The following SCUBE1 variants were observed in gnomAD, a reference collection of about 807,000 sequenced individuals.
SCUBE1 encodes the protein signal peptide, CUB and EGF-like domain-containing protein 1.
In SCUBE1, 59 loss-of-function variants were observed where a neutral mutation model predicts 124.4. The observed-to-expected ratio is 0.47, with a 90% confidence interval of 0.38 to 0.59. The LOEUF (loss-of-function observed/expected upper bound fraction) is 0.59, where lower values mean the gene tolerates loss of function less well. Ranked by LOEUF, SCUBE1 falls within the 20% of genes least tolerant of loss-of-function variation. The pLI is 0.00. For missense variants in SCUBE1, 1,150 were observed against 1,371.2 expected (o/e 0.84, Z 2.55); for synonymous variants, 545 against 550.9 (o/e 0.99, Z 0.15).
At chr22:43,287,029 C>T (rs1925173675) in intron 4 of SCUBE1, among the ~76,000 whole-genome samples, 1 of 152,116 alleles carries the variant, frequency 6.6e-6, no homozygotes, top group East Asian at 1.9e-4. Flanking sequence ...ATACACCAGG[C>T]ACAAGGGTGT....
chr22:43,259,588 C>T (rs1230212802), intron 5 of SCUBE1, among the ~76,000 whole-genome samples: 7 of 152,190 alleles, frequency 4.6e-5, no homozygotes, highest in Admixed American at 2.0e-4. Flanking sequence ...CAGAGACCGA[C>T]GCAGAGCCTT....
At chr22:43,327,888 C>T (rs1031836936) in intron 2 of SCUBE1, among the ~76,000 whole-genome samples, 16 of 152,130 alleles carry the variant, frequency 1.1e-4, no homozygotes, top group Admixed American at 2.0e-4. Context: ...ATACTTTTAA[C>T]GAGTGAATTG....
intron 10 of SCUBE1, among the ~76,000 whole-genome samples, chr22:43,223,586 G>T (rs1569500298): frequency 6.6e-6 from 1 of 152,204 alleles, no homozygotes; most frequent in Non-Finnish European, 1.5e-5. Context: ...CCGTGGGGGG[G>T]ATCGCTCGGA....
intron 8 of SCUBE1, 91 bp downstream of exon 8, chr22:43,231,662 C>T (rs1325975012): frequency 6.8e-7 from 1 of 1,474,278 alleles, no homozygotes; most frequent in East Asian, 2.5e-5. Context: ...CCGCATTCCC[C>T]TCCCCTCCTA....
rs575232171 is a variant in SCUBE1, at chr22:43,263,950, C to A, written c.485-1105G>T. Among the ~76,000 whole-genome samples, 32 of 152,316 alleles carry A rather than the reference C, an allele frequency of 2.1e-4. No homozygotes were observed. In the East Asian group the frequency reaches 4.8e-3, roughly 23 times the overall value. Reference sequence around the variant, plus strand: ...CACGGAAAGACCCTTTCCGCTGGCTCGATTCCAAAACAGCATCAGCGCCTG... The same window carrying A: ...CACGGAAAGACCCTTTCCGCTGGCTAGATTCCAAAACAGCATCAGCGCCTG... On this transcript the variant is annotated intron_variant, in intron 4 of 21. Coordinates refer to ENST00000360835, the MANE Select transcript of SCUBE1 (RefSeq NM_173050.5).
chr22:43,251,191 G>C (rs1411995070), intron 6 of SCUBE1, among the ~76,000 whole-genome samples: 1 of 152,224 alleles, frequency 6.6e-6, no homozygotes, highest in Non-Finnish European at 1.5e-5. Flanking sequence ...GGAAGAGTGG[G>C]TGCCCACAGC....
chr22:43,322,188 T>C (rs2146787322), intron 2 of SCUBE1, among the ~76,000 whole-genome samples: 1 of 152,278 alleles, frequency 6.6e-6, no homozygotes, highest in East Asian at 1.9e-4. Flanking sequence ...TTTCACCATG[T>C]TAGCCAGGAT....
chr22:43,268,470 T>C (rs1344741520), intron 4 of SCUBE1, among the ~76,000 whole-genome samples: 1 of 152,248 alleles, frequency 6.6e-6, no homozygotes, highest in African/African-American at 2.4e-5. Context: ...GAATCTAATC[T>C]GATCCAACCA....
In SCUBE1 at chr22:43,223,206, C is replaced by G; in HGVS notation, c.1218G>C (p.Lys406Asn). The stretch of plus-strand genomic sequence containing the variant: ...GGGAGGTCTTGGCGCGAGAAAGACA[C>G]TTGCCTGTCTCTATGAAGGGAGATA... ...WNGKDCVETG[K>N]CLSRAKTSPR... The change falls in exon 11 of 22, where the codon AAG becomes AAC. Residue 406 changes from lysine to asparagine, a missense_variant. Lys to Asn is a moderately conservative substitution (Grantham distance 94). Coordinates refer to ENST00000360835, the MANE Select transcript of SCUBE1 (RefSeq NM_173050.5). 6.4e-7 allele frequency: 1 copy of G among 1,571,252 alleles called. No individual in the cohort carries two copies.
At chr22:43,230,943 C>G (rs2146678540) in intron 8 of SCUBE1, among the ~76,000 whole-genome samples, 1 of 152,342 alleles carries the variant, frequency 6.6e-6, no homozygotes, top group Admixed American at 6.5e-5. Context: ...CTGCCCGCAA[C>G]TGCTGGTACC....
At chr22:43,249,469 C>G (rs1202404953) in intron 6 of SCUBE1, among the ~76,000 whole-genome samples, 1 of 152,154 alleles carries the variant, frequency 6.6e-6, no homozygotes, top group African/African-American at 2.4e-5. Context: ...TGTGTGCCCC[C>G]TAAGTGTCAG....
intron 2 of SCUBE1, among the ~76,000 whole-genome samples, chr22:43,324,655 C>T (rs1285694208): frequency 6.6e-6 from 1 of 151,894 alleles, no homozygotes; most frequent in Admixed American, 6.6e-5. Flanking sequence ...AAAAACATAT[C>T]CAGGAGTCGC....
At chr22:43,335,441 G>C (rs1275705624) in intron 2 of SCUBE1, among the ~76,000 whole-genome samples, 1 of 152,156 alleles carries the variant, frequency 6.6e-6, no homozygotes, top group African/African-American at 2.4e-5. Context: ...CTCACTCACT[G>C]AGGGTTTAGG....
rs760840200 is a variant in SCUBE1 at position 43,204,020 on chromosome 22, G to A, written c.2944C>T (p.Arg982Trp). Residue 982 changes from arginine (R) to tryptophan (W), a missense_variant, in exon 22 of 22, where the codon CGG becomes TGG. Transcript: ENST00000360835. ...FIKLLRSKVSRFLRPYK is the reference protein window; with the variant it reads ...FIKLLRSKVSWFLRPYK ...GGTTATTTGTAGGGCCGCAGGAACC[G>A]AGACACTTTGGAGCGCAGCAGTTTG... is the stretch of plus-strand genomic sequence containing the variant. The A allele has an allele frequency of 1.2e-6, 2 of 1,614,056 alleles. No homozygotes were observed. The highest frequency in any genetic ancestry group is 1.7e-6 in the Non-Finnish European group (2 of 1,180,030).
At position 43,238,485 on chromosome 22, in the gene SCUBE1, G is replaced by A. The variant is rs752979193; in HGVS notation, c.844+353C>T. 38 of 574,238 alleles carry A rather than the reference G, an allele frequency of 6.6e-5. 1 individual carries two copies. The South Asian group carries it at 8.0e-4, about 12-fold the overall frequency. 35.6% of individuals were successfully genotyped at this position (574,238 alleles called of 1,614,324 possible). On this transcript the variant is annotated intron_variant, in intron 7 of 21. Coordinates refer to ENST00000360835, the MANE Select transcript of SCUBE1 (RefSeq NM_173050.5). ...AAACGCGCTACATTCTACGCGCCTT[G>A]GGAAGCCACACTATCACTGAGGGCC...
chr22:43,309,157 C>T (rs1926085264), intron 3 of SCUBE1, among the ~76,000 whole-genome samples: 2 of 152,020 alleles, frequency 1.3e-5, no homozygotes, highest in African/African-American at 4.8e-5. Context: ...ATCCATTTTC[C>T]CTAAACTGTG....
intron 7 of SCUBE1, among the ~76,000 whole-genome samples, chr22:43,235,284 G>A (rs1349914053): frequency 6.6e-6 from 1 of 152,104 alleles, no homozygotes; most frequent in Admixed American, 6.5e-5. Flanking sequence ...GGGGCAGGGC[G>A]ATGGGGTGAG....
chr22:43,296,615 G>T (rs1925570019), intron 3 of SCUBE1, among the ~76,000 whole-genome samples: 1 of 152,206 alleles, frequency 6.6e-6, no homozygotes, highest in South Asian at 2.1e-4. Context: ...TGGAGAGCGG[G>T]CCCTCCATGC....
At chr22:43,305,784 C>T (rs900542325) in intron 3 of SCUBE1, among the ~76,000 whole-genome samples, 1 of 152,178 alleles carries the variant, frequency 6.6e-6, no homozygotes, top group Non-Finnish European at 1.5e-5. Context: ...GAGGGCAAGC[C>T]TGTGGGATCC....
Sources: allele counts gnomAD v4.1 joint callset (sites outside exome capture counted in the v4.1 genomes callset), GRCh38; gene constraint gnomAD v4.1.1; transcripts MANE v1.5; gene names NCBI Gene and HGNC (gene_info 2026-07-23, HGNC 2026-07-21).